RIF1: variants seen among roughly 807,000 people sequenced by gnomAD.
The protein encoded by RIF1 is telomere-associated protein RIF1.
A neutral mutation model predicts 247.1 loss-of-function variants in RIF1; 45 were observed. That is an observed-to-expected ratio of 0.18 (90% confidence interval 0.14 to 0.23). The LOEUF is 0.23. RIF1 is among the 10% of genes least tolerant of loss of function. The pLI is 1.00. For synonymous variants in RIF1, 1,087 were observed against 978.8 expected, an observed-to-expected ratio of 1.11 and a Z score of -2.06; for missense variants, 2,967 against 2,862.5, an observed-to-expected ratio of 1.04 and a Z score of -0.83.
intron 11 of RIF1, among the ~76,000 whole-genome samples, chr2:151,501,946 A>G (rs1226143199): frequency 6.6e-6 from 1 of 152,210 alleles, no homozygotes; most frequent in African/African-American, 2.4e-5. Flanking sequence ...AAATTAATTT[A>G]TATCTTACAT....
At chr2:151,512,803 G>T (rs1008566957), downstream of RIF1, 1 of 1,613,554 alleles carries the variant, frequency 6.2e-7, no homozygotes, top group Non-Finnish European at 8.5e-7. Context: ...AGTGAAATTG[G>T]CTTTCTCCAT....
Position 151,464,024 on chromosome 2 carries a change from A to G in RIF1, c.4504A>G (p.Asn1502Asp). The G allele has an allele frequency of 6.2e-7, 1 of 1,609,742 alleles. No individual in the cohort carries two copies. The highest frequency in any genetic ancestry group is 1.1e-5 in the South Asian group (1 of 90,150). ...ETSANAETEQ[N>D]KKKADPENIK... ...TAGTGCTAATGCAGAAACTGAACAA[A>G]ATAAAAAAAAGGCAGACCCTGAGAA... Residue 1502 changes from asparagine (N) to aspartate (D), a missense_variant, in exon 30 of 36, where the codon AAT (asparagine) becomes GAT (aspartate). This residue lies in a region of RIF1 where 2,028 missense variants were observed against 1,825.6 expected (regional missense o/e 1.11). Transcript: ENST00000444746.
At chr2:151,494,499 G>C (rs921386833) in intron 9 of RIF1, among the ~76,000 whole-genome samples, 27 of 152,058 alleles carry the variant, frequency 1.8e-4, no homozygotes, top group Non-Finnish European at 3.1e-4. Context: ...TCCTCAAAAG[G>C]ATGAGAAACC....
At chr2:151,468,246 C>T (rs1239674440) in intron 31 of RIF1, 100 bp downstream of exon 31, 3 of 1,172,378 alleles carry the variant, frequency 2.6e-6, no homozygotes. Context: ...AAAACTTCTT[C>T]CTTGGTTTAA....
At chr2:151,443,057 T>C (rs1021416023) in intron 16 of RIF1, among the ~76,000 whole-genome samples, 1 of 151,930 alleles carries the variant, frequency 6.6e-6, no homozygotes, top group African/African-American at 2.4e-5. Flanking sequence ...ATTACAGGAG[T>C]GAGCCACTGC....
intron 18 of RIF1, among the ~76,000 whole-genome samples, chr2:151,444,840 C>T (rs1399078831): frequency 6.6e-6 from 1 of 152,262 alleles, no homozygotes; most frequent in African/African-American, 2.4e-5. Context: ...TTGCAATTAA[C>T]AAATTACAGC....
the RIF1 span, chr2:151,514,987 T>C: frequency 9.4e-7 from 1 of 1,060,720 alleles, no homozygotes; most frequent in Non-Finnish European, 1.4e-6. Flanking sequence ...AATATATCTC[T>C]CCATCTCAGG....
Position 151,443,561 on chromosome 2 carries a change from G to C in RIF1, c.1838G>C (p.Cys613Ser). The C allele has an allele frequency of 1.2e-6, 2 of 1,606,474 alleles. No homozygotes were observed. The highest frequency in any genetic ancestry group is 1.7e-6 in the Non-Finnish European group (2 of 1,177,904). Residue 613 changes from cysteine to serine, a missense_variant, in exon 18 of 36, where the codon TGT becomes TCT. This residue lies in a region of RIF1 where 369 missense variants were observed against 322.0 expected (regional missense o/e 1.15). Coordinates refer to ENST00000444746, the MANE Select transcript of RIF1 (RefSeq NM_018151.5). The part of the protein sequence containing the change: ...FFLSLESLVG[C>S]VLSGPTSPLA... ...CTCAGTTTGGAATCACTTGTAGGCT[G>C]TGTTCTTTCTGGTCCAACTTCACCA... is the stretch of plus-strand genomic sequence containing the variant.
At chr2:151,455,257 T>A in intron 22 of RIF1, 98 bp downstream of exon 22, 1 of 827,708 alleles carries the variant, frequency 1.2e-6, no homozygotes, top group Non-Finnish European at 1.8e-6. Flanking sequence ...TAGATGGTAG[T>A]CTTGACAATT....
At chr2:151,516,452 G>T in the RIF1 span, 4 of 1,592,216 alleles carry the variant, frequency 2.5e-6, no homozygotes, top group Admixed American at 3.4e-5. Flanking sequence ...TGGTTTTTTT[G>T]ACTTACCCCA....
rs148221557 is a variant in RIF1 at position 151,420,356 on chromosome 2, A to G, written c.670A>G (p.Ile224Val). Residue 224 changes from isoleucine to valine, a missense_variant, in exon 7 of 36, where the codon ATT (isoleucine) becomes GTT (valine). Physicochemically the swap from Ile to Val is conservative, Grantham distance 29. Around this residue, in one of 7 missense-constraint regions of RIF1, gnomAD observed 269 missense variants for 288.6 expected, o/e 0.93. Coordinates refer to ENST00000444746, the MANE Select transcript of RIF1 (RefSeq NM_018151.5). ...LLQKQQEIAS[I>V]TEQLMTTKLI... is the part of the protein sequence containing the mutation. The stretch of plus-strand genomic sequence containing the variant: ...TCAGAAACAGCAAGAAATAGCATCT[A>G]TTACGGAGCAGCTTATGACTACTGT... 987 of 1,614,122 alleles carry G rather than the reference A, an allele frequency of 6.1e-4. 1 individual carries two copies. Among genetic ancestry groups the G allele is most frequent in the Non-Finnish European group, 7.7e-4 (905 of 1,180,012 alleles).
chr2:151,451,807 CTT>C (rs1574067506), intron 21 of RIF1, 102 bp downstream of exon 21: 1 of 642,202 alleles, frequency 1.6e-6, no homozygotes. Flanking sequence ...ATTTTACTAA[CTT>C]TTGATCTTGT....
At position 151,465,296 on chromosome 2, in the gene RIF1, AGCT is replaced by A; in HGVS notation, c.5777_5779del (p.Ser1926_Phe1927delinsIle). 1 of 1,612,698 alleles carries A rather than the reference AGCT, an allele frequency of 6.2e-7. No homozygotes were observed. On this transcript the variant is annotated inframe_deletion, in exon 30 of 36. Transcript: ENST00000444746. The stretch of plus-strand genomic sequence containing the variant: ...GGAATTGAATGTAGGAAATGAAGCT[AGCT>A]TTCATGGACAAGAGAGAACCAAAAC...
intron 19 of RIF1, 122 bp from the exon 20 acceptor site, chr2:151,446,304 T>G: frequency 1.1e-6 from 1 of 935,226 alleles, no homozygotes; most frequent in African/African-American, 1.7e-5. Flanking sequence ...CGGCCGTTAG[T>G]GTCTTTTTTG....
Position 151,465,069 on chromosome 2 carries a change from A to T in RIF1, c.5549A>T (p.Glu1850Val). The part of the protein sequence containing the change: ...DMDSSEAMSL[E>V]SQESPNENFK... Reference sequence around the variant, plus strand: ...GATTCTAGTGAAGCAATGTCTCTTGAAAGCCAGGAGTCACCTAATGAAAAT... The same window carrying T: ...GATTCTAGTGAAGCAATGTCTCTTGTAAGCCAGGAGTCACCTAATGAAAAT... The change falls in exon 30 of 36, where the codon GAA becomes GTA. Residue 1850 changes from glutamate (E) to valine (V), a missense_variant. Physicochemically the swap from Glu to Val is moderately radical, Grantham distance 121. Coordinates refer to ENST00000444746, the MANE Select transcript of RIF1 (RefSeq NM_018151.5). The T allele has an allele frequency of 1.3e-6, 2 of 1,595,040 alleles. No individual in the cohort carries two copies. Among genetic ancestry groups the T allele is most frequent in the Non-Finnish European group, 1.7e-6 (2 of 1,175,420 alleles).
exon 14 of RIF1, chr2:151,507,782 C>A (rs1453063980): frequency 3.9e-6 from 2 of 510,558 alleles, no homozygotes; most frequent in Admixed American, 6.3e-5. Context: ...ATATTTTCTC[C>A]CCAATACCAC....
At chr2:151,469,925 GA>G in intron 34 of RIF1, 61 bp downstream of exon 34, 3 of 1,283,632 alleles carry the variant, frequency 2.3e-6, no homozygotes, top group Non-Finnish European at 3.2e-6. Context: ...TACAGTTACA[GA>G]AGTTTGTTAA....
At chr2:151,488,915 C>T (rs1246591979) in intron 9 of RIF1, among the ~76,000 whole-genome samples, 3 of 152,004 alleles carry the variant, frequency 2.0e-5, no homozygotes, top group African/African-American at 2.4e-5. Context: ...TATCTATTGC[C>T]ATGCTAAATC....
In RIF1 at chr2:151,468,080, G is replaced by A; in HGVS notation, c.6681G>A (p.Arg2227=). The A allele has an allele frequency of 1.2e-6, 2 of 1,613,292 alleles. No individual in the cohort carries two copies. The highest frequency in any genetic ancestry group is 1.7e-6 in the Non-Finnish European group (2 of 1,179,424). The change falls in exon 31 of 36, where the codon AGG becomes AGA. Residue 2227 remains arginine, a synonymous_variant. Coordinates refer to ENST00000444746, the MANE Select transcript of RIF1 (RefSeq NM_018151.5). ...DDIDRRCSIV[R]SHSSNSSPIG... ...TTGATAGACGGTGCTCTATTGTTAGGTCCCATTCTTCCAATAGTTCTCCCA... is the reference window on the plus strand; with the variant it reads ...TTGATAGACGGTGCTCTATTGTTAGATCCCATTCTTCCAATAGTTCTCCCA...
Sources: allele counts gnomAD v4.1 joint callset (sites outside exome capture counted in the v4.1 genomes callset), GRCh38; gene constraint gnomAD v4.1.1; regional missense constraint gnomAD v4.1.1; transcripts MANE v1.5; gene names NCBI Gene and HGNC (gene_info 2026-07-23, HGNC 2026-07-21).